Variants in HRG observed in about 807,000 individuals in gnomAD.
HRG encodes the protein histidine rich glycoprotein.
A neutral mutation model predicts 29.5 loss-of-function variants in HRG; 26 were observed. The ratio of observed to expected loss-of-function variants is 0.88; its 90% CI spans 0.65 to 1.22. The LOEUF (loss-of-function observed/expected upper bound fraction) is 1.22, where lower values mean the gene tolerates loss of function less well. HRG is among the 50% of genes most tolerant of loss of function. The pLI is 0.00. For missense variants in HRG, 671 were observed against 654.5 expected (o/e 1.03, Z -0.28); for synonymous variants, 243 against 240.4 (o/e 1.01, Z -0.10).
chr3:186,669,349 G>T (rs1718713264), intron 2 of HRG, among the ~76,000 whole-genome samples: 1 of 152,192 alleles, frequency 6.6e-6, no homozygotes, highest in South Asian at 2.1e-4. Context: ...AAAATAAGAA[G>T]TGGGTTTAGG....
chr3:186,675,387 C>T (rs892495830), intron 6 of HRG, among the ~76,000 whole-genome samples, 197 bp downstream of exon 6: 2 of 150,618 alleles, frequency 1.3e-5, no homozygotes, highest in African/African-American at 4.9e-5. Context: ...GAGAGACAGA[C>T]AGACATGCAA....
At chr3:186,676,608 A>T (rs1311384403) in intron 6 of HRG, among the ~76,000 whole-genome samples, 1 of 151,708 alleles carries the variant, frequency 6.6e-6, no homozygotes, top group Non-Finnish European at 1.5e-5. Context: ...AAAATACAAA[A>T]ATTAGGAGTC....
chr3:186,676,939 G>C, intron 6 of HRG, 108 bp from the exon 7 acceptor site: 1 of 1,270,196 alleles, frequency 7.9e-7, no homozygotes, highest in Non-Finnish European at 1.1e-6. Context: ...TTTTTAAATT[G>C]ATTTGTGGAA....
chr3:186,668,235 G>A (rs1456336635), intron 1 of HRG, among the ~76,000 whole-genome samples: 4 of 152,186 alleles, frequency 2.6e-5, no homozygotes, highest in Admixed American at 2.6e-4. Flanking sequence ...GCAAGAGACA[G>A]GGACATGAAG....
Position 186,677,463 on chromosome 3 carries a change from CCATGGACACCATCCT to C in HRG, c.1170_1184del (p.Gly403_His407del). The C allele has an allele frequency of 1.9e-6, 3 of 1,589,576 alleles. No individual in the cohort carries two copies. The highest frequency in any genetic ancestry group is 8.6e-7 in the Non-Finnish European group (1 of 1,167,972). On this transcript the variant is annotated inframe_deletion, in exon 7 of 7. Transcript: ENST00000232003. Reference sequence around the variant, plus strand: ...GACAGCATCCCCATGGACACCACCCCCATGGACACCATCCTCATGGACACCACCCCCATGGACACC... The same window carrying C: ...GACAGCATCCCCATGGACACCACCCCCATGGACACCACCCCCATGGACACC...
In HRG at chr3:186,675,164, A is replaced by T; in HGVS notation, c.715A>T (p.Ile239Leu). ...LDLESPKNLV[I>L]NCEVFDPQEH... ...CTTGGAAAGCCCGAAAAACCTTGTC[A>T]TAAACTGTGAAGTCTTCGACCCTCA... Residue 239 changes from isoleucine to leucine, a missense_variant, in exon 6 of 7, where the codon ATA (isoleucine) becomes TTA (leucine). Transcript: ENST00000232003. 6.2e-7 allele frequency: 1 copy of T among 1,613,638 alleles called. No homozygotes were observed.
At chr3:186,675,327 G>GAC (rs1553785564) in intron 6 of HRG, 137 bp downstream of exon 6, 36 of 676,698 alleles carry the variant, frequency 5.3e-5, no homozygotes, top group South Asian at 2.2e-4. Context: ...GAGAGAGAGA[G>GAC]AGAGACAGAG....
At chr3:186,668,729 C>T in intron 1 of HRG, 1 of 548,760 alleles carries the variant, frequency 1.8e-6, no homozygotes, top group Non-Finnish European at 3.3e-6. Context: ...GAAGACAAAT[C>T]AGGACCACTT....
chr3:186,669,850 T>C, intron 2 of HRG, 88 bp from the exon 3 acceptor site: 2 of 778,858 alleles, frequency 2.6e-6, no homozygotes, highest in Non-Finnish European at 4.8e-6. Context: ...TAGGAGGATG[T>C]TGCATCACCT....
chr3:186,671,802 T>C lies in HRG; in HGVS notation c.558+13T>C. ...AGTTGCAAGAGTGGTGAGTCTCCAC[T>C]AAGGTTCGGTTGGAGTCTGAAGGCC... On this transcript the variant is annotated intron_variant, in intron 4 of 6. Transcript: ENST00000232003. The C allele has an allele frequency of 1.2e-6, 2 of 1,612,826 alleles. No individual in the cohort carries two copies. The highest frequency in any genetic ancestry group is 1.7e-6 in the Non-Finnish European group (2 of 1,179,076).
In HRG at chr3:186,671,631, G is replaced by A. The variant is rs1451484043; in HGVS notation, c.400G>A (p.Ala134Thr). The A allele has an allele frequency of 1.2e-6, 2 of 1,613,812 alleles. No individual in the cohort carries two copies. Among genetic ancestry groups the A allele is most frequent in the South Asian group, 2.2e-5 (2 of 91,072 alleles). ...FNCTTSSVSS[A>T]LANTKDSPVL... ...CTATCTTCTTTCTCCAGTCTCTTCA[G>A]CACTGGCCAATACCAAAGATAGTCC... Residue 134 changes from alanine to threonine, a missense_variant, in exon 4 of 7, where the codon GCA (alanine) becomes ACA (threonine). Physicochemically the swap from Ala to Thr is moderately conservative, Grantham distance 58. Transcript: ENST00000232003.
chr3:186,675,280 AGTGG>A lies in HRG; in HGVS notation c.741+94_741+97del, dbSNP rs1718934160. ...TGTTGTTGCTTCCTAAAGCTCTATG[AGTGG>A]GTGTGTGTGTGTGTGTGTGTGTGTG... On this transcript the variant is annotated intron_variant, in intron 6 of 6. Transcript: ENST00000232003. The A allele has an allele frequency of 5.2e-6, 3 of 573,030 alleles. No individual in the cohort carries two copies. The Admixed American group carries it at 7.0e-5, about 13-fold the overall frequency. 35.5% of individuals were successfully genotyped at this position (573,030 alleles called of 1,614,324 possible).
At position 186,666,169 on chromosome 3, in the gene HRG, C is replaced by T; in HGVS notation, c.138C>T (p.Tyr46=). 4 of 1,614,136 alleles carry T rather than the reference C, an allele frequency of 2.5e-6. No homozygotes were observed. Among genetic ancestry groups the T allele is most frequent in the Non-Finnish European group, 3.4e-6 (4 of 1,180,006 alleles). Residue 46 remains tyrosine (Y), a synonymous_variant, in exon 1 of 7, where the codon TAC becomes TAT. Coordinates refer to ENST00000232003, the MANE Select transcript of HRG (RefSeq NM_000412.5). ...TCAATAAAAGGCGACGGGATGGCTA[C>T]CTTTTCCAATTGCTGCGGATTGCTG... ...DLINKRRRDG[Y]LFQLLRIADA... is the part of the protein sequence containing the mutation.
At position 186,677,956 on chromosome 3, in the gene HRG, T is replaced by C. The variant is rs984669897; in HGVS notation, c.*73T>C. On this transcript the variant is annotated 3_prime_UTR_variant, in exon 7 of 7. Transcript: ENST00000232003. The stretch of plus-strand genomic sequence containing the variant: ...ACATAAATAAAATGACCAGTAATTG[T>C]GAAAATTACAGTTCTTTTCAACCTA... 6.9e-6 allele frequency: 10 copies of C among 1,441,384 alleles called. No individual in the cohort carries two copies. Among genetic ancestry groups the C allele is most frequent in the Non-Finnish European group, 9.7e-6 (10 of 1,034,298 alleles). The allele number at this position is 1,441,384 out of a possible 1,614,324, so 89.3% of individuals were successfully genotyped here.
chr3:186,669,806 C>G, intron 2 of HRG, 132 bp from the exon 3 acceptor site: 2 of 718,770 alleles, frequency 2.8e-6, no homozygotes, highest in African/African-American at 1.7e-5. Context: ...TTGAGACAAG[C>G]TTTGATGAAA....
At chr3:186,669,175 TGAA>T in intron 2 of HRG, 124 bp downstream of exon 2, 1 of 768,826 alleles carries the variant, frequency 1.3e-6, no homozygotes, top group Non-Finnish European at 2.4e-6. Flanking sequence ...TTGAGATTCA[TGAA>T]GATGATGTTA....
At chr3:186,667,331 G>T (rs1718645103) in intron 1 of HRG, 1 of 152,216 alleles carries the variant, frequency 6.6e-6, no homozygotes, top group African/African-American at 2.4e-5. Flanking sequence ...CGGGGAGAGG[G>T]ATTCTACCAT....
At position 186,677,780 on chromosome 3, in the gene HRG, A is replaced by G; in HGVS notation, c.1475A>G (p.Asp492Gly). 1 of 1,613,878 alleles carries G rather than the reference A, an allele frequency of 6.2e-7. No individual in the cohort carries two copies. The highest frequency in any genetic ancestry group is 2.2e-5 in the East Asian group (1 of 44,872). ...CACCACAAACATCCTCTAAAGCCAG[A>G]CAATCAGCCCTTTCCTCAATCAGTC... ...LPHHKHPLKP[D>G]NQPFPQSVSE... The change falls in exon 7 of 7, where the codon GAC (aspartate) becomes GGC (glycine). Residue 492 changes from aspartate to glycine, a missense_variant. Transcript: ENST00000232003.
At chr3:186,669,780 T>C (rs912263625) in intron 2 of HRG, 158 bp from the exon 3 acceptor site, 2 of 680,330 alleles carry the variant, frequency 2.9e-6, no homozygotes, top group African/African-American at 3.5e-5. Context: ...AGAAACTGAC[T>C]AAGAAAATGC....
Sources: gnomAD v4.1 joint callset for allele counts (sites outside exome capture counted in the v4.1 genomes callset) on GRCh38, gnomAD v4.1.1 for gene constraint, MANE v1.5 for transcripts, NCBI Gene and HGNC (gene_info 2026-07-23, HGNC 2026-07-21) for gene names.